Variants in LRRC53 observed in about 807,000 individuals in gnomAD.
LRRC53 encodes the protein leucine rich repeat containing 53, also known as leucine-rich repeat-containing protein 53.
Under a neutral mutation model 13.6 loss-of-function variants are expected in LRRC53, and 25 were observed. The ratio of observed to expected loss-of-function variants is 1.83; its 90% CI spans 1.34 to 2.56. LRRC53 has a LOEUF of 2.56. LRRC53 is among the 30% of genes most tolerant of loss of function. The probability of loss-of-function intolerance (pLI) is 0.00; values close to 1 mark genes in which losing one functional copy is unlikely to be tolerated. For synonymous variants in LRRC53, 204 were observed against 109.8 expected, an observed-to-expected ratio of 1.86 and a Z score of -5.37; for missense variants, 527 against 275.8, an observed-to-expected ratio of 1.91 and a Z score of -6.45.
rs970368225 is a variant in LRRC53 at position 74,480,898 on chromosome 1, C to T, written c.159G>A (p.Leu53=). The stretch of plus-strand genomic sequence containing the variant: ...GCAGGGCAAGATTAAACAAGAGAGA[C>T]AGGTTTGTGCTCTCAATAGAGGAGA... The part of the protein sequence containing the change: ...GYLSSIESTN[L]SLLFNLALLS... Residue 53 remains leucine, a synonymous_variant, in exon 3 of 5, where the codon CTG becomes CTA. Transcript: ENST00000294635. 3 of 717,354 alleles carry T rather than the reference C, an allele frequency of 4.2e-6. No individual in the cohort carries two copies. The highest frequency in any genetic ancestry group is 2.0e-5 in the Admixed American group (1 of 49,996). The allele number at this position is 717,354 out of a possible 1,614,324, so 44.4% of individuals were successfully genotyped here.
At chr1:74,481,735 G>A (rs936701937) in intron 2 of LRRC53, among the ~76,000 whole-genome samples, 6 of 152,108 alleles carry the variant, frequency 3.9e-5, no homozygotes, top group African/African-American at 1.4e-4. Context: ...AGAAATCAAA[G>A]CATTTTAACT....
At chr1:74,518,874 CT>C in the LRRC53 span, among the ~76,000 whole-genome samples, 3,395 of 29,012 alleles carry the variant, frequency 0.12, 85 homozygotes, top group South Asian at 0.19. Flanking sequence ...TTTTTTTCCC[CT>C]TTTTTTTTTT....
intron 4 of LRRC53, among the ~76,000 whole-genome samples, chr1:74,474,591 G>T (rs1668099302): frequency 6.6e-6 from 1 of 152,114 alleles, no homozygotes; most frequent in African/African-American, 2.4e-5. Context: ...CCTCTTTACA[G>T]AGCAGCTGTC....
the LRRC53 span, among the ~76,000 whole-genome samples, chr1:74,529,386 A>G: frequency 6.6e-6 from 1 of 152,182 alleles, no homozygotes; most frequent in Non-Finnish European, 1.5e-5. Flanking sequence ...ATTGAAGGAC[A>G]TTTTGCAAAA....
chr1:74,473,656 AAACT>A (rs1668049716), intron 4 of LRRC53, among the ~76,000 whole-genome samples: 1 of 152,036 alleles, frequency 6.6e-6, no homozygotes, highest in Non-Finnish European at 1.5e-5. Context: ...CCCAAGAGGT[AAACT>A]AAGTTCCAGA....
chr1:74,515,704 A>C (rs921613602), upstream of LRRC53, among the ~76,000 whole-genome samples: 1 of 152,226 alleles, frequency 6.6e-6, no homozygotes, highest in African/African-American at 2.4e-5. Context: ...ATGGAGACTG[A>C]ACACTGATGG....
At chr1:74,479,613 T>C (rs1288445814) in intron 3 of LRRC53, among the ~76,000 whole-genome samples, 3 of 152,188 alleles carry the variant, frequency 2.0e-5, no homozygotes, top group Admixed American at 6.5e-5. Flanking sequence ...TACTATGCCA[T>C]ACAAACACTG....
chr1:74,531,461 AG>A, the LRRC53 span, among the ~76,000 whole-genome samples: 1 of 152,152 alleles, frequency 6.6e-6, no homozygotes, highest in East Asian at 1.9e-4. Flanking sequence ...GCCAGAGGAA[AG>A]GTGGGCTAAG....
At chr1:74,489,537 C>CA (rs1240856352) in intron 1 of LRRC53, among the ~76,000 whole-genome samples, 1 of 152,096 alleles carries the variant, frequency 6.6e-6, no homozygotes, top group African/African-American at 2.4e-5. Context: ...GAAAGTATAA[C>CA]AAATACATTA....
chr1:74,486,484 T>G (rs865842783), intron 1 of LRRC53, among the ~76,000 whole-genome samples: 2 of 143,212 alleles, frequency 1.4e-5, no homozygotes, highest in South Asian at 2.2e-4. Flanking sequence ...ATCACTTTTT[T>G]TGTGTGTGTT....
rs1229967361 is a variant in LRRC53 at position 74,475,568 on chromosome 1, T to A, written c.1147A>T (p.Ser383Cys). 4 of 717,360 alleles carry A rather than the reference T, an allele frequency of 5.6e-6. No individual in the cohort carries two copies. The highest frequency in any genetic ancestry group is 2.3e-4 in the Middle Eastern group (1 of 4,394). 44.4% of individuals were successfully genotyped at this position (717,360 alleles called of 1,614,324 possible). Reference sequence around the variant, plus strand: ...TCAGAGGCCGATGTTGCTTGATGGCTATTTTCCTGTAAAAGTGGCATTTCT... The same window carrying A: ...TCAGAGGCCGATGTTGCTTGATGGCAATTTTCCTGTAAAAGTGGCATTTCT... The part of the protein sequence containing the change: ...RKEMPLLQEN[S>C]HQATSASESA... Residue 383 changes from serine to cysteine, a missense_variant, in exon 4 of 5, where the codon AGC (serine) becomes TGC (cysteine). By Grantham distance (112) the Ser-to-Cys change is moderately radical. Transcript: ENST00000294635.
chr1:74,521,046 C>T, the LRRC53 span, among the ~76,000 whole-genome samples: 2 of 152,134 alleles, frequency 1.3e-5, no homozygotes, highest in African/African-American at 4.8e-5. Context: ...CCTGACTGGA[C>T]AGAGTGTTCT....
chr1:74,530,703 T>C, the LRRC53 span, among the ~76,000 whole-genome samples: 1 of 148,578 alleles, frequency 6.7e-6, no homozygotes, highest in Non-Finnish European at 1.5e-5. Context: ...ATCACTGTCA[T>C]GCTACCAAGA....
the LRRC53 span, among the ~76,000 whole-genome samples, chr1:74,518,689 T>C: frequency 0.014 from 2,071 of 152,290 alleles, 40 homozygotes; most frequent in African/African-American, 0.045. Flanking sequence ...ATCTGTTTTT[T>C]AAGCTCAAAA....
chr1:74,506,374 T>TGTACTA (rs1474527242), intron 1 of LRRC53, among the ~76,000 whole-genome samples: 1 of 152,234 alleles, frequency 6.6e-6, no homozygotes, highest in African/African-American at 2.4e-5. Flanking sequence ...CCCAAGGCTT[T>TGTACTA]GTAACTAGTA....
upstream of LRRC53, among the ~76,000 whole-genome samples, chr1:74,514,202 C>T (rs989064352): frequency 3.9e-5 from 6 of 152,172 alleles, no homozygotes; most frequent in Non-Finnish European, 8.8e-5. Context: ...TTTATTTTCA[C>T]AATCAAGTAT....
In LRRC53 at chr1:74,509,666, T is replaced by C. The variant is rs193248059; in HGVS notation, c.-27+2860A>G. On this transcript the variant is annotated intron_variant, in intron 1 of 4. Coordinates refer to ENST00000294635, the MANE Select transcript of LRRC53 (RefSeq NM_001382280.1). ...GTTGATTGTTGTTTTTGTCATGTCA[T>C]ATATGTTAAGGAATAGAGTGTTGTG... 2.6e-5 allele frequency among the ~76,000 whole-genome samples: 4 copies of C among 151,536 alleles called. No homozygotes were observed. The East Asian group carries it at 7.8e-4, about 29-fold the overall frequency.
chr1:74,472,347 C>A, intron 4 of LRRC53, 146 bp from the exon 5 acceptor site: 1 of 590,826 alleles, frequency 1.7e-6, no homozygotes, highest in Non-Finnish European at 3.0e-6. Flanking sequence ...GTAACCAAAC[C>A]TACAAAGGAC....
At chr1:74,533,806 A>G in the LRRC53 span, among the ~76,000 whole-genome samples, 1 of 152,140 alleles carries the variant, frequency 6.6e-6, no homozygotes, top group African/African-American at 2.4e-5. Flanking sequence ...GTAAACTATC[A>G]CAAGGACAAA....
Sources: allele counts gnomAD v4.1 joint callset (sites outside exome capture counted in the v4.1 genomes callset), GRCh38; gene constraint gnomAD v4.1.1; transcripts MANE v1.5; gene names NCBI Gene and HGNC (gene_info 2026-07-23, HGNC 2026-07-21).